CNTNAP5: variants seen among roughly 807,000 people sequenced by gnomAD.
CNTNAP5 encodes contactin associated protein family member 5.
In CNTNAP5, 72 loss-of-function variants were observed where a neutral mutation model predicts 150.2. The observed-to-expected ratio is 0.48, with a 90% confidence interval of 0.40 to 0.58. The LOEUF is 0.58. Ranked by LOEUF, CNTNAP5 falls within the 20% of genes least tolerant of loss-of-function variation. CNTNAP5 has a pLI of 0.00. For missense variants in CNTNAP5, 1,636 were observed against 1,626.2 expected (o/e 1.01, Z -0.10); for synonymous variants, 672 against 619.8 (o/e 1.08, Z -1.25).
intron 1 of CNTNAP5, among the ~76,000 whole-genome samples, chr2:124,063,461 G>A (rs1255542575): frequency 1.3e-5 from 2 of 152,020 alleles, no homozygotes; most frequent in African/African-American, 2.4e-5. Flanking sequence ...CTCATGCTTA[G>A]GAATGCCAGC....
At chr2:124,538,602 GAAGA>G (rs761389891) in intron 10 of CNTNAP5, among the ~76,000 whole-genome samples, 5 of 145,740 alleles carry the variant, frequency 3.4e-5, no homozygotes, top group Non-Finnish European at 6.0e-5. Context: ...AGAAAGGAAG[GAAGA>G]AAGAAAGGAA....
At chr2:124,305,635 A>G (rs1210715775) in intron 3 of CNTNAP5, among the ~76,000 whole-genome samples, 1 of 152,094 alleles carries the variant, frequency 6.6e-6, no homozygotes, top group East Asian at 1.9e-4. Flanking sequence ...GGTCATTAGG[A>G]CTTTGTCCAT....
At chr2:124,308,637 G>C (rs1266962845) in intron 3 of CNTNAP5, among the ~76,000 whole-genome samples, 3 of 152,134 alleles carry the variant, frequency 2.0e-5, no homozygotes, top group African/African-American at 7.2e-5. Context: ...AGCTGAATTG[G>C]GGAGAGAAAA....
intron 3 of CNTNAP5, among the ~76,000 whole-genome samples, chr2:124,271,609 T>C (rs1360527262): frequency 2.0e-5 from 3 of 152,108 alleles, no homozygotes; most frequent in Admixed American, 6.6e-5. Flanking sequence ...CAGAAAAACT[T>C]TGGCTTGGAA....
At position 124,176,842 on chromosome 2, in the gene CNTNAP5, G is replaced by GTTTTTTTT. The variant is rs71394026; in HGVS notation, c.83-44850_83-44843dup. Among the ~76,000 whole-genome samples, 482 of 119,852 alleles carry GTTTTTTTT rather than the reference G, an allele frequency of 4.0e-3. 15 individuals carry two copies. The highest frequency in any genetic ancestry group is 8.2e-3 in the African/African-American group (252 of 30,822). The allele number at this position is 119,852 out of a possible 152,430, so 78.6% of individuals were successfully genotyped here. ...TCAGATAATGTCTTTGTTATTGCTG[G>GTTTTTTTT]TTTTTTTTTTTTTTTTTTTTACATG... On this transcript the variant is annotated intron_variant, in intron 1 of 23. Coordinates refer to ENST00000682447, the MANE Select transcript of CNTNAP5 (RefSeq NM_001367498.1).
intron 1 of CNTNAP5, among the ~76,000 whole-genome samples, chr2:124,152,053 T>C (rs535203198): frequency 1.3e-5 from 2 of 152,332 alleles, no homozygotes; most frequent in East Asian, 3.9e-4. Flanking sequence ...TAAACTTGAC[T>C]GAAACTATGG....
chr2:124,345,678 C>G (rs1397262996), intron 3 of CNTNAP5, among the ~76,000 whole-genome samples: 1 of 152,132 alleles, frequency 6.6e-6, no homozygotes, highest in East Asian at 1.9e-4. Flanking sequence ...CAAATTTGCT[C>G]ATCACAACTA....
At chr2:124,095,178 G>C (rs1033644558) in intron 1 of CNTNAP5, among the ~76,000 whole-genome samples, 11 of 152,172 alleles carry the variant, frequency 7.2e-5, no homozygotes, top group African/African-American at 2.7e-4. Context: ...AAAAGGATGA[G>C]TTCATGTCCT....
chr2:124,668,401 T>C (rs957387079), intron 13 of CNTNAP5, among the ~76,000 whole-genome samples: 1 of 152,152 alleles, frequency 6.6e-6, no homozygotes, highest in Admixed American at 6.5e-5. Flanking sequence ...CCAGAGGCAT[T>C]GAGGGGCAAG....
intron 19 of CNTNAP5, among the ~76,000 whole-genome samples, chr2:124,829,322 A>G (rs1016822798): frequency 2.0e-5 from 3 of 152,182 alleles, no homozygotes; most frequent in Non-Finnish European, 4.4e-5. Context: ...TTACAGAACC[A>G]GTATGGATTG....
intron 1 of CNTNAP5, among the ~76,000 whole-genome samples, chr2:124,122,790 ACACC>A (rs767320879): frequency 8.3e-4 from 87 of 104,530 alleles, no homozygotes; most frequent in South Asian, 5.0e-3. Context: ...ACACACACAC[ACACC>A]CACACCTTTT....
At chr2:124,164,519 T>C (rs1050874761) in intron 1 of CNTNAP5, among the ~76,000 whole-genome samples, 1 of 152,154 alleles carries the variant, frequency 6.6e-6, no homozygotes, top group Non-Finnish European at 1.5e-5. Flanking sequence ...TTTGAGGAAG[T>C]GACATTTGAA....
At chr2:124,309,126 A>G (rs1688760979) in intron 3 of CNTNAP5, among the ~76,000 whole-genome samples, 1 of 152,222 alleles carries the variant, frequency 6.6e-6, no homozygotes, top group African/African-American at 2.4e-5. Flanking sequence ...ATAATAACTA[A>G]TAATAAAATA....
chr2:124,624,284 C>A (rs1374352691), intron 12 of CNTNAP5, among the ~76,000 whole-genome samples: 2 of 152,178 alleles, frequency 1.3e-5, no homozygotes, highest in Non-Finnish European at 2.9e-5. Flanking sequence ...CTTTCACATA[C>A]CCGTTTTAGC....
chr2:124,591,343 G>A (rs1003570796), intron 11 of CNTNAP5, among the ~76,000 whole-genome samples: 3 of 152,158 alleles, frequency 2.0e-5, no homozygotes, highest in Admixed American at 6.5e-5. Flanking sequence ...TTCATATACA[G>A]TGGATGGTAA....
intron 3 of CNTNAP5, among the ~76,000 whole-genome samples, chr2:124,311,258 A>G (rs1395113376): frequency 6.6e-6 from 1 of 152,158 alleles, no homozygotes; most frequent in African/African-American, 2.4e-5. Context: ...AACAATAGAA[A>G]TTTATATTCT....
At chr2:124,754,842 T>G (rs532602769) in intron 14 of CNTNAP5, among the ~76,000 whole-genome samples, 1 of 152,026 alleles carries the variant, frequency 6.6e-6, no homozygotes, top group African/African-American at 2.4e-5. Context: ...CGTGAACCAT[T>G]GTGCCCAGCC....
intron 12 of CNTNAP5, among the ~76,000 whole-genome samples, chr2:124,621,157 C>T (rs1220382987): frequency 3.3e-5 from 5 of 152,154 alleles, no homozygotes; most frequent in Admixed American, 2.6e-4. Context: ...GACACACTGT[C>T]AATGTGTTAA....
At chr2:124,446,439 T>C (rs1223390331) in intron 5 of CNTNAP5, among the ~76,000 whole-genome samples, 2 of 152,130 alleles carry the variant, frequency 1.3e-5, no homozygotes, top group Non-Finnish European at 2.9e-5. Flanking sequence ...ATGCATTCTT[T>C]CTAAAAACAA....
Sources: allele counts gnomAD v4.1 joint callset (sites outside exome capture counted in the v4.1 genomes callset), GRCh38; gene constraint gnomAD v4.1.1; transcripts MANE v1.5; gene names NCBI Gene and HGNC (gene_info 2026-07-23, HGNC 2026-07-21).